Variants in XKR9 observed in about 807,000 individuals in gnomAD.
XKR9 encodes the protein XK related 9.
Under a neutral mutation model 32.0 loss-of-function variants are expected in XKR9, and 32 were observed. The observed-to-expected ratio is 1.00, with a 90% CI of 0.76 to 1.34. The LOEUF (loss-of-function observed/expected upper bound fraction) is 1.34. Among genes scored for constraint, XKR9 ranks in the 40% most tolerant of loss-of-function variants. XKR9 has a pLI of 0.00. For missense variants in XKR9, 546 were observed against 429.7 expected, an observed-to-expected ratio of 1.27 and a Z score of -2.39; for synonymous variants, 168 against 143.4, an observed-to-expected ratio of 1.17 and a Z score of -1.22.
At chr8:70,822,343 T>G in the XKR9 span, among the ~76,000 whole-genome samples, 1 of 152,116 alleles carries the variant, frequency 6.6e-6, no homozygotes, top group East Asian at 1.9e-4. Context: ...TGTTAATTTA[T>G]CATAATTGTC....
At chr8:70,998,802 G>T in the XKR9 span, among the ~76,000 whole-genome samples, 1 of 152,176 alleles carries the variant, frequency 6.6e-6, no homozygotes, top group African/African-American at 2.4e-5. Flanking sequence ...TCCTCACTGG[G>T]CATTGCTTGT....
At chr8:70,788,422 G>A (rs968153412) in intron 2 of XKR9, among the ~76,000 whole-genome samples, 46 of 152,172 alleles carry the variant, frequency 3.0e-4, no homozygotes, top group African/African-American at 1.1e-3. Context: ...TGCTACCGTT[G>A]GGCAGGTGGG....
chr8:70,783,252 G>A (rs1022027949), intron 2 of XKR9, among the ~76,000 whole-genome samples: 15 of 149,476 alleles, frequency 1.0e-4, no homozygotes, highest in African/African-American at 3.2e-4. Flanking sequence ...TTTTTAAGAC[G>A]GAGTCTGACT....
At chr8:70,912,472 G>C in the XKR9 span, among the ~76,000 whole-genome samples, 1 of 152,078 alleles carries the variant, frequency 6.6e-6, no homozygotes, top group Non-Finnish European at 1.5e-5. Context: ...AATGATGAGA[G>C]AGGACAGAAT....
the XKR9 span, among the ~76,000 whole-genome samples, chr8:70,877,210 G>A: frequency 6.6e-6 from 1 of 152,152 alleles, no homozygotes; most frequent in African/African-American, 2.4e-5. Flanking sequence ...CACAAGAACA[G>A]TCTGTGGGAA....
intron 2 of XKR9, among the ~76,000 whole-genome samples, chr8:70,746,708 C>T (rs1807063934): frequency 6.6e-6 from 1 of 151,696 alleles, no homozygotes; most frequent in African/African-American, 2.4e-5. Context: ...GTTTGAATGT[C>T]TGTCTTCCCC....
the XKR9 span, among the ~76,000 whole-genome samples, chr8:71,047,117 G>A: frequency 5.3e-5 from 8 of 152,172 alleles, no homozygotes; most frequent in African/African-American, 1.9e-4. Context: ...AAATGAAAAA[G>A]CTTTATGAGA....
At chr8:70,922,902 G>A in the XKR9 span, among the ~76,000 whole-genome samples, 95 of 152,356 alleles carry the variant, frequency 6.2e-4, no homozygotes, top group African/African-American at 2.2e-3. Context: ...GTTTACAGAT[G>A]TGCAGTCAGC....
intron 2 of XKR9, among the ~76,000 whole-genome samples, chr8:70,763,329 CTT>C (rs992526574): frequency 6.6e-6 from 1 of 152,128 alleles, no homozygotes; most frequent in Non-Finnish European, 1.5e-5. Context: ...TTTGTGGACT[CTT>C]TTGGCCTTTG....
intron 4 of XKR9, among the ~76,000 whole-genome samples, chr8:70,722,483 G>T (rs1020034389): frequency 3.9e-5 from 6 of 152,144 alleles, no homozygotes; most frequent in African/African-American, 1.4e-4. Context: ...CTCTTGTAAG[G>T]TATGCCTGGT....
downstream of XKR9, among the ~76,000 whole-genome samples, chr8:70,739,507 ATT>A (rs1405351879): frequency 6.6e-6 from 1 of 152,178 alleles, no homozygotes; most frequent in Non-Finnish European, 1.5e-5. Context: ...TGATCCTGTC[ATT>A]ATGATGTTAG....
At chr8:70,811,879 C>G in the XKR9 span, among the ~76,000 whole-genome samples, 1 of 152,078 alleles carries the variant, frequency 6.6e-6, no homozygotes, top group Non-Finnish European at 1.5e-5. Flanking sequence ...GGAACTGGTA[C>G]CATTCCTTCT....
the XKR9 span, among the ~76,000 whole-genome samples, chr8:70,925,434 T>A: frequency 2.0e-5 from 3 of 152,220 alleles, no homozygotes; most frequent in Non-Finnish European, 4.4e-5. Context: ...ATCAGAATAC[T>A]CTATTTTCGA....
At chr8:70,963,310 T>C in the XKR9 span, among the ~76,000 whole-genome samples, 4 of 152,228 alleles carry the variant, frequency 2.6e-5, no homozygotes, top group Admixed American at 6.5e-5. Context: ...TTTCTTTTTT[T>C]GGCTGCATAG....
chr8:70,710,839 A>G (rs1454697929), intron 4 of XKR9, among the ~76,000 whole-genome samples: 1 of 152,200 alleles, frequency 6.6e-6, no homozygotes, highest in Non-Finnish European at 1.5e-5. Flanking sequence ...AGCAGAGTAA[A>G]CAAACAACCT....
intron 4 of XKR9, among the ~76,000 whole-genome samples, chr8:70,730,048 GA>G (rs1806610672): frequency 6.6e-6 from 1 of 152,042 alleles, no homozygotes; most frequent in African/African-American, 2.4e-5. Context: ...GTGGTAACTT[GA>G]AAAAAATATA....
chr8:70,827,541 ATT>A, the XKR9 span, among the ~76,000 whole-genome samples: 71 of 152,306 alleles, frequency 4.7e-4, no homozygotes, highest in Admixed American at 1.6e-3. Context: ...TGTTAACTCT[ATT>A]AAGAGACCTT....
At chr8:70,780,398 G>A (rs1271950841) in intron 2 of XKR9, among the ~76,000 whole-genome samples, 1 of 151,782 alleles carries the variant, frequency 6.6e-6, no homozygotes, top group Non-Finnish European at 1.5e-5. Flanking sequence ...CGTTGTTTTA[G>A]GTGGTCCCAC....
chr8:70,773,254 T>A (rs572408499), intron 2 of XKR9, among the ~76,000 whole-genome samples: 2 of 152,322 alleles, frequency 1.3e-5, no homozygotes, highest in East Asian at 1.9e-4. Flanking sequence ...GGATTATTAT[T>A]TGGCATGTTT....
Sources: allele counts gnomAD v4.1 joint callset (sites outside exome capture counted in the v4.1 genomes callset), GRCh38; gene constraint gnomAD v4.1.1; transcripts MANE v1.5; gene names NCBI Gene and HGNC (gene_info 2026-07-23, HGNC 2026-07-21).